CDH18: variants seen among roughly 807,000 people sequenced by gnomAD.
CDH18 encodes the protein cadherin-18.
Under a neutral mutation model 67.9 loss-of-function variants are expected in CDH18, and 31 were observed. That is an observed-to-expected ratio of 0.46 (90% CI 0.34 to 0.62). The LOEUF is 0.62. Among genes scored for constraint, CDH18 ranks in the 20% least tolerant of loss-of-function variants. CDH18 has a pLI of 0.01. For missense variants in CDH18, 890 were observed against 975.5 expected, an observed-to-expected ratio of 0.91 and a Z score of 1.17; for synonymous variants, 362 against 347.2, an observed-to-expected ratio of 1.04 and a Z score of -0.48.
intron 2 of CDH18, among the ~76,000 whole-genome samples, chr5:20,200,702 A>C (rs1180509628): frequency 6.6e-6 from 1 of 151,990 alleles, no homozygotes; most frequent in East Asian, 1.9e-4. Context: ...AATTTTAAAA[A>C]TAGCTAAAGG....
chr5:20,324,951 T>C (rs1738414252), intron 1 of CDH18, among the ~76,000 whole-genome samples: 1 of 152,220 alleles, frequency 6.6e-6, no homozygotes, highest in South Asian at 2.1e-4. Flanking sequence ...TGCCACCTCC[T>C]ATTTATATTT....
upstream of CDH18, among the ~76,000 whole-genome samples, chr5:19,991,182 A>C (rs1799959886): frequency 2.0e-5 from 3 of 152,150 alleles, no homozygotes; most frequent in Non-Finnish European, 4.4e-5. Context: ...TACCCTGAAA[A>C]TTTAGCAAGT....
intron 2 of CDH18, among the ~76,000 whole-genome samples, chr5:20,154,432 A>T (rs552627144): frequency 6.6e-6 from 1 of 152,208 alleles, no homozygotes; most frequent in South Asian, 2.1e-4. Flanking sequence ...CTTCTTATTC[A>T]TGAGCTCGAC....
At chr5:19,895,960 T>C (rs542191953) in intron 2 of CDH18, among the ~76,000 whole-genome samples, 1 of 151,984 alleles carries the variant, frequency 6.6e-6, no homozygotes, top group Admixed American at 6.6e-5. Context: ...GACTGAAAAA[T>C]GGTCCCCAGA....
At chr5:20,524,462 T>TTTA in intron 1 of CDH18, among the ~76,000 whole-genome samples, 1 of 152,210 alleles carries the variant, frequency 6.6e-6, no homozygotes, top group African/African-American at 2.4e-5. Flanking sequence ...TTTTTCTACA[T>TTTA]TTATTTCCAC....
chr5:20,220,197 G>C (rs1045468425), intron 2 of CDH18, among the ~76,000 whole-genome samples: 1 of 151,816 alleles, frequency 6.6e-6, no homozygotes, highest in Non-Finnish European at 1.5e-5. Flanking sequence ...AAAACGGGAG[G>C]AACCATGTTA....
At chr5:20,130,412 T>C (rs1412404963) in intron 2 of CDH18, among the ~76,000 whole-genome samples, 2 of 151,738 alleles carry the variant, frequency 1.3e-5, no homozygotes, top group Admixed American at 6.6e-5. Context: ...TTTTTTTTTT[T>C]TTTTTCACTT....
rs56036253 is a variant in CDH18 at position 20,102,215 on chromosome 5, A to AGT, written c.-517-110203_-517-110202dup. Among the ~76,000 whole-genome samples the AGT allele has an allele frequency of 5.2e-4, 77 of 148,888 alleles. 1 individual carries two copies. Among genetic ancestry groups the AGT allele is most frequent in the African/African-American group, 1.8e-3 (74 of 40,732 alleles). On this transcript the variant is annotated intron_variant, in intron 2 of 14. Coordinates refer to the CDH18 transcript ENST00000507958. The stretch of plus-strand genomic sequence containing the variant: ...TGAGATTGTATTCAGTGTTATGTGC[A>AGT]GTGTGTGTGTGTGTGTGTGTGTGTG...
At chr5:20,302,243 G>A (rs1386441621) in intron 1 of CDH18, among the ~76,000 whole-genome samples, 5 of 152,056 alleles carry the variant, frequency 3.3e-5, no homozygotes, top group Admixed American at 6.6e-5. Flanking sequence ...GCTAAGTTGC[G>A]ACAAACTTAA....
chr5:19,814,871 CACACAT>C (rs1232399631), intron 3 of CDH18, among the ~76,000 whole-genome samples: 39 of 130,554 alleles, frequency 3.0e-4, no homozygotes, highest in Middle Eastern at 4.1e-3. Context: ...CACACACACA[CACACAT>C]GGACACACAC....
chr5:20,525,972 A>G (rs1045246975), intron 1 of CDH18, among the ~76,000 whole-genome samples: 2 of 152,174 alleles, frequency 1.3e-5, no homozygotes, highest in African/African-American at 4.8e-5. Flanking sequence ...CAATGAGAGT[A>G]GCAAAAGAAA....
intron 1 of CDH18, among the ~76,000 whole-genome samples, chr5:20,472,450 T>G (rs1038684461): frequency 1.3e-5 from 2 of 152,180 alleles, no homozygotes; most frequent in Non-Finnish European, 1.5e-5. Flanking sequence ...TTGTGCCTGA[T>G]GTACATAGTG....
intron 1 of CDH18, among the ~76,000 whole-genome samples, chr5:20,312,284 C>T (rs1737065718): frequency 6.6e-6 from 1 of 152,134 alleles, no homozygotes; most frequent in Admixed American, 6.5e-5. Flanking sequence ...CTTACCCTGA[C>T]CCTACCTTGA....
chr5:20,396,792 C>T (rs1448688408), intron 1 of CDH18, among the ~76,000 whole-genome samples: 1 of 152,072 alleles, frequency 6.6e-6, no homozygotes, highest in South Asian at 2.1e-4. Flanking sequence ...TATGATATCA[C>T]ATTATAGATT....
At chr5:20,105,372 T>C (rs1174725673) in intron 2 of CDH18, among the ~76,000 whole-genome samples, 1 of 152,160 alleles carries the variant, frequency 6.6e-6, no homozygotes, top group Non-Finnish European at 1.5e-5. Flanking sequence ...GAAAAAGAAA[T>C]GTTAACATAA....
intron 1 of CDH18, among the ~76,000 whole-genome samples, chr5:20,542,501 T>C (rs1757106858): frequency 6.6e-6 from 1 of 151,602 alleles, no homozygotes; most frequent in Non-Finnish European, 1.5e-5. Flanking sequence ...ATTGTGTGTA[T>C]ATATATTGTG....
chr5:20,108,831 C>T (rs909022141), intron 2 of CDH18, among the ~76,000 whole-genome samples: 8 of 152,048 alleles, frequency 5.3e-5, no homozygotes, highest in Non-Finnish European at 1.0e-4. Context: ...CTGACAAAGA[C>T]GAAAGCCACT....
intron 2 of CDH18, among the ~76,000 whole-genome samples, chr5:19,842,050 A>C (rs1782373882): frequency 6.6e-6 from 1 of 152,244 alleles, no homozygotes; most frequent in Non-Finnish European, 1.5e-5. Context: ...TCTCTGCATA[A>C]GTTAGAAAAA....
intron 11 of CDH18, among the ~76,000 whole-genome samples, chr5:19,486,140 T>G (rs568956790): frequency 6.6e-5 from 10 of 150,886 alleles, no homozygotes; most frequent in Non-Finnish European, 1.2e-4. Context: ...CTAGAAAGGC[T>G]TAGCACAGCA....
Sources: gnomAD v4.1 joint callset for allele counts (sites outside exome capture counted in the v4.1 genomes callset) on GRCh38, gnomAD v4.1.1 for gene constraint, MANE v1.5 for transcripts, NCBI Gene and HGNC (gene_info 2026-07-23, HGNC 2026-07-21) for gene names.